SLCO3A1: variants seen among roughly 807,000 people sequenced by gnomAD.
SLCO3A1 encodes PGE1 transporter.
Under a neutral mutation model 63.1 loss-of-function variants are expected in SLCO3A1, and 27 were observed. The ratio of observed to expected loss-of-function variants is 0.43; its 90% confidence interval spans 0.32 to 0.59. SLCO3A1 has a LOEUF of 0.59. SLCO3A1 is among the 20% of genes least tolerant of loss of function. SLCO3A1 has a pLI of 0.09. For missense variants in SLCO3A1, 773 were observed against 945.8 expected (o/e 0.82, Z 2.40); for synonymous variants, 473 against 409.9 (o/e 1.15, Z -1.86).
chr15:91,994,911 C>T (rs1486554103), intron 2 of SLCO3A1, among the ~76,000 whole-genome samples: 1 of 152,176 alleles, frequency 6.6e-6, no homozygotes, highest in Non-Finnish European at 1.5e-5. Context: ...GAGAGTTGTG[C>T]CTGGCATCGC....
chr15:91,983,360 T>C (rs1177283282), intron 2 of SLCO3A1, among the ~76,000 whole-genome samples: 1 of 152,234 alleles, frequency 6.6e-6, no homozygotes, highest in Non-Finnish European at 1.5e-5. Context: ...AGGCTATTTA[T>C]TTCTAGAGAA....
chr15:92,138,061 C>G (rs1298191917), intron 7 of SLCO3A1, among the ~76,000 whole-genome samples: 1 of 110,610 alleles, frequency 9.0e-6, no homozygotes, highest in Non-Finnish European at 1.7e-5. Flanking sequence ...TGCCTATGTC[C>G]TGAATGGTAA....
At chr15:92,051,850 C>T (rs1040170364) in intron 2 of SLCO3A1, among the ~76,000 whole-genome samples, 8 of 152,084 alleles carry the variant, frequency 5.3e-5, no homozygotes, top group Admixed American at 2.0e-4. Flanking sequence ...AAAAGTGCTG[C>T]GTGATGAGGG....
intron 1 of SLCO3A1, among the ~76,000 whole-genome samples, chr15:91,878,906 C>G (rs1897474311): frequency 6.6e-6 from 1 of 152,086 alleles, no homozygotes; most frequent in African/African-American, 2.4e-5. Flanking sequence ...TTCCTCCTTA[C>G]CAGTTTTATC....
In SLCO3A1 at chr15:91,954,624, T is replaced by C. The variant is rs1375742381; in HGVS notation, c.646+38166T>C. Among the ~76,000 whole-genome samples, 1 of 151,792 alleles carries C rather than the reference T, an allele frequency of 6.6e-6. No homozygotes were observed. The highest frequency in any genetic ancestry group is 1.5e-5 in the Non-Finnish European group (1 of 67,988). On this transcript the variant is annotated intron_variant, in intron 2 of 9. Transcript: ENST00000318445. The surrounding 1 kb of genome is among the most constrained non-coding windows in gnomAD (Gnocchi z 4.7). ...TTGGTGGGGAAGAGGAAGTGGAAGT[T>C]GGCGGGGAAGAGTGTTGCAGGTCCA...
chr15:92,107,925 C>T (rs2047685535), intron 4 of SLCO3A1, among the ~76,000 whole-genome samples: 1 of 152,246 alleles, frequency 6.6e-6, no homozygotes, highest in Non-Finnish European at 1.5e-5. Flanking sequence ...CTGGTTTAGT[C>T]TTTACAAAAG....
Position 92,017,285 on chromosome 15 carries a change from TG to T in SLCO3A1, c.647-77587del, listed in dbSNP as rs35547562. On this transcript the variant is annotated intron_variant, in intron 2 of 9. Coordinates refer to ENST00000318445, the MANE Select transcript of SLCO3A1 (RefSeq NM_013272.4). The stretch of plus-strand genomic sequence containing the variant: ...TCCATTGAGTTGGAGGAGCTGGGAT[TG>T]GGGGGGGGTAGGGAAAGAGCAGGTG... Among the ~76,000 whole-genome samples the T allele has an allele frequency of 2.3e-3, 331 of 145,800 alleles. 2 individuals are homozygous for T. Among genetic ancestry groups the T allele is most frequent in the Middle Eastern group, 0.01 (3 of 288 alleles).
intron 1 of SLCO3A1, among the ~76,000 whole-genome samples, chr15:91,901,308 A>G (rs1381128031): frequency 6.6e-6 from 1 of 152,230 alleles, no homozygotes; most frequent in South Asian, 2.1e-4. Flanking sequence ...AACGTATTAC[A>G]TCTATATCTT....
intron 2 of SLCO3A1, among the ~76,000 whole-genome samples, chr15:91,989,139 A>T (rs892604481): frequency 6.6e-6 from 1 of 152,064 alleles, no homozygotes; most frequent in South Asian, 2.1e-4. Context: ...TGTTTATTCC[A>T]CTGTGCCTTC....
chr15:91,933,262 T>C (rs532609360), intron 2 of SLCO3A1, among the ~76,000 whole-genome samples: 2 of 152,304 alleles, frequency 1.3e-5, no homozygotes, highest in South Asian at 4.1e-4. Context: ...TTTTTATAGA[T>C]TGCTTTTCCA....
intron 9 of SLCO3A1, among the ~76,000 whole-genome samples, chr15:92,153,258 T>A (rs2048330202): frequency 6.6e-6 from 1 of 151,486 alleles, no homozygotes; most frequent in African/African-American, 2.4e-5. Flanking sequence ...AAAAAAAAAA[T>A]CATGAAAAAA....
At chr15:91,997,648 T>C (rs934977634) in intron 2 of SLCO3A1, among the ~76,000 whole-genome samples, 2 of 152,142 alleles carry the variant, frequency 1.3e-5, no homozygotes, top group Non-Finnish European at 2.9e-5. Flanking sequence ...ATGGTACTTA[T>C]ACAAAAACAG....
chr15:91,953,217 A>G (rs1183051558), intron 2 of SLCO3A1, among the ~76,000 whole-genome samples: 2 of 152,202 alleles, frequency 1.3e-5, no homozygotes, highest in African/African-American at 2.4e-5. Context: ...AGAAAGCATC[A>G]TTCACTGACT....
chr15:91,879,634 T>C (rs1897502692), intron 1 of SLCO3A1, among the ~76,000 whole-genome samples: 1 of 152,230 alleles, frequency 6.6e-6, no homozygotes. Flanking sequence ...GGCATTCTTA[T>C]AATTGTTCTA....
intron 2 of SLCO3A1, among the ~76,000 whole-genome samples, chr15:92,080,984 G>A (rs868631566): frequency 4.9e-5 from 7 of 142,222 alleles, no homozygotes; most frequent in South Asian, 2.2e-4. Context: ...GTGTGTGTGT[G>A]TATGGGGTAC....
chr15:92,119,532 C>T (rs940153649), intron 4 of SLCO3A1, among the ~76,000 whole-genome samples: 5 of 152,158 alleles, frequency 3.3e-5, no homozygotes, highest in Non-Finnish European at 7.3e-5. Flanking sequence ...GAAGGAAACA[C>T]ATTCAGCAAA....
chr15:92,027,626 A>G (rs1442585243), intron 2 of SLCO3A1, among the ~76,000 whole-genome samples: 1 of 152,150 alleles, frequency 6.6e-6, no homozygotes, highest in East Asian at 1.9e-4. Context: ...TAAAGGATTG[A>G]CATTGGTCTG....
Position 91,921,225 on chromosome 15 carries a change from C to T in SLCO3A1, c.646+4767C>T, listed in dbSNP as rs140306236. Among the ~76,000 whole-genome samples, 69 of 152,336 alleles carry T rather than the reference C, an allele frequency of 4.5e-4. 1 individual carries two copies. The East Asian group carries it at 0.013, about 28-fold the overall frequency. ...CGTGGTCTTCCCTCTGCATACACAT[C>T]CCTGGTCTCTCTGTGTATCCAATTT... On this transcript the variant is annotated intron_variant, in intron 2 of 9. Transcript: ENST00000318445.
At chr15:91,904,595 A>G (rs1567178658) in intron 1 of SLCO3A1, among the ~76,000 whole-genome samples, 2 of 152,192 alleles carry the variant, frequency 1.3e-5, no homozygotes, top group African/African-American at 4.8e-5. Context: ...ATACACTAAA[A>G]TAGGAGTAGA....
Sources: gnomAD v4.1 joint callset for allele counts (sites outside exome capture counted in the v4.1 genomes callset) on GRCh38, gnomAD v4.1.1 for gene constraint, Gnocchi (gnomAD v3.1) non-coding constraint, MANE v1.5 for transcripts, NCBI Gene and HGNC (gene_info 2026-07-23, HGNC 2026-07-21) for gene names.